ARB2A: variants seen among roughly 807,000 people sequenced by gnomAD.
ARB2A encodes the protein ARB2 cotranscriptional regulator A.
chr5:93,869,987 C>T, the ARB2A span, among the ~76,000 whole-genome samples: 88 of 152,298 alleles, frequency 5.8e-4, no homozygotes, highest in Admixed American at 1.2e-3. Context: ...TTCACATGGA[C>T]GCGTGAGACA....
chr5:93,885,887 G>A, the ARB2A span, among the ~76,000 whole-genome samples: 1 of 151,632 alleles, frequency 6.6e-6, no homozygotes, highest in African/African-American at 2.4e-5. Context: ...GTCTGTAGAT[G>A]CACTTACTAA....
At chr5:93,675,280 T>A in the ARB2A span, among the ~76,000 whole-genome samples, 1 of 152,204 alleles carries the variant, frequency 6.6e-6, no homozygotes, top group Non-Finnish European at 1.5e-5. Flanking sequence ...AAAGAAAAAC[T>A]ACATGTCCTG....
the ARB2A span, among the ~76,000 whole-genome samples, chr5:94,071,842 A>C: frequency 1.3e-5 from 2 of 152,152 alleles, no homozygotes; most frequent in Non-Finnish European, 2.9e-5. Flanking sequence ...TTACCATATG[A>C]CCCAGCAATC....
chr5:93,748,193 T>C, the ARB2A span, among the ~76,000 whole-genome samples: 217 of 152,208 alleles, frequency 1.4e-3, no homozygotes, highest in African/African-American at 5.0e-3. Flanking sequence ...GCAGGTGTCA[T>C]TTTGAAAGGA....
At chr5:93,827,166 A>G in the ARB2A span, among the ~76,000 whole-genome samples, 43 of 152,242 alleles carry the variant, frequency 2.8e-4, 1 homozygote, top group Admixed American at 5.9e-4. Context: ...CTGAGGGATC[A>G]CCACACTGAC....
At chr5:93,627,438 G>GT in the ARB2A span, among the ~76,000 whole-genome samples, 145 of 108,054 alleles carry the variant, frequency 1.3e-3, 6 homozygotes, top group Middle Eastern at 5.6e-3. Context: ...TACAAAATGT[G>GT]TTTTGTTTTT....
At chr5:94,081,391 A>T in the ARB2A span, among the ~76,000 whole-genome samples, 1 of 152,232 alleles carries the variant, frequency 6.6e-6, no homozygotes, top group East Asian at 1.9e-4. Flanking sequence ...CTTATGCACA[A>T]ATGTTCGCAG....
At chr5:93,939,667 C>G in the ARB2A span, among the ~76,000 whole-genome samples, 1 of 152,036 alleles carries the variant, frequency 6.6e-6, no homozygotes, top group Non-Finnish European at 1.5e-5. Flanking sequence ...CACTGTATTA[C>G]TGCAGAAATA....
chr5:93,916,235 A>G, the ARB2A span, among the ~76,000 whole-genome samples: 1 of 152,132 alleles, frequency 6.6e-6, no homozygotes. Flanking sequence ...AGCATGAAAA[A>G]CAGACAGAAG....
the ARB2A span, among the ~76,000 whole-genome samples, chr5:94,041,822 C>A: frequency 6.6e-6 from 1 of 152,126 alleles, no homozygotes; most frequent in African/African-American, 2.4e-5. Flanking sequence ...TTAGCCACGT[C>A]CCCTAGCTAT....
At chr5:93,932,021 TA>T in the ARB2A span, among the ~76,000 whole-genome samples, 9 of 152,210 alleles carry the variant, frequency 5.9e-5, no homozygotes, top group Admixed American at 1.3e-4. Context: ...TTTGAATTCA[TA>T]ATTAGAATTA....
the ARB2A span, among the ~76,000 whole-genome samples, chr5:93,722,604 G>A: frequency 6.6e-6 from 1 of 152,016 alleles, no homozygotes; most frequent in Admixed American, 6.6e-5. Context: ...TTACTTTAAT[G>A]GGAAAAGAAA....
the ARB2A span, among the ~76,000 whole-genome samples, chr5:93,908,909 T>C: frequency 6.6e-6 from 1 of 150,972 alleles, no homozygotes; most frequent in Non-Finnish European, 1.5e-5. Context: ...AGCTATTGTA[T>C]AAAGAAATTA....
chr5:93,664,634 A>T, the ARB2A span, among the ~76,000 whole-genome samples: 1 of 145,960 alleles, frequency 6.9e-6, no homozygotes, highest in Admixed American at 6.9e-5. Flanking sequence ...TCGTCTCAAA[A>T]ATATATATAT....
At chr5:93,814,425 A>G in the ARB2A span, among the ~76,000 whole-genome samples, 1 of 152,218 alleles carries the variant, frequency 6.6e-6, no homozygotes, top group Non-Finnish European at 1.5e-5. Context: ...ACTGAAATGG[A>G]AAACTAACCA....
chr5:93,741,036 G>T, the ARB2A span: 2 of 1,613,714 alleles, frequency 1.2e-6, no homozygotes, highest in Non-Finnish European at 1.7e-6. Context: ...GCTTCCACAT[G>T]TTGGCGACGC....
the ARB2A span, among the ~76,000 whole-genome samples, chr5:93,815,411 T>C: frequency 6.6e-6 from 1 of 152,110 alleles, no homozygotes; most frequent in South Asian, 2.1e-4. Context: ...TGATAGTCCT[T>C]CCTCTCCATT....
chr5:93,964,436 A>C, the ARB2A span: 1 of 1,472,658 alleles, frequency 6.8e-7, no homozygotes, highest in Non-Finnish European at 9.3e-7. Context: ...TGAAATAAAC[A>C]TTTCTTTAAA....
chr5:93,853,406 C>T, the ARB2A span, among the ~76,000 whole-genome samples: 1 of 147,096 alleles, frequency 6.8e-6, no homozygotes, highest in Non-Finnish European at 1.5e-5. Context: ...TCTGCAAACA[C>T]GGACAATTTG....
Sources: allele counts gnomAD v4.1 joint callset (sites outside exome capture counted in the v4.1 genomes callset), GRCh38; gene constraint gnomAD v4.1.1; transcripts MANE v1.5; gene names NCBI Gene and HGNC (gene_info 2026-07-23, HGNC 2026-07-21).